The following NEK11 variants were observed in gnomAD, a reference collection of about 807,000 sequenced individuals.
The protein encoded by NEK11 is serine/threonine-protein kinase Nek11.
A neutral mutation model predicts 80.7 loss-of-function variants in NEK11; 72 were observed. The ratio of observed to expected loss-of-function variants is 0.89; its 90% CI spans 0.74 to 1.08. The LOEUF (loss-of-function observed/expected upper bound fraction) is 1.08. Ranked by LOEUF, NEK11 falls within the 50% of genes least tolerant of loss-of-function variation. The pLI, the probability that NEK11 is intolerant of heterozygous loss-of-function variation, is 0.00. For missense variants in NEK11, 764 were observed against 763.6 expected, an observed-to-expected ratio of 1.00 and a Z score of -0.01; for synonymous variants, 251 against 260.7, an observed-to-expected ratio of 0.96 and a Z score of 0.36.
chr3:131,047,188 T>C (rs2067537073), intron 3 of NEK11, among the ~76,000 whole-genome samples: 1 of 152,186 alleles, frequency 6.6e-6, no homozygotes, highest in South Asian at 2.1e-4. Flanking sequence ...ATATCTTGTA[T>C]CATTTTTTGA....
At chr3:131,275,374 C>T (rs2096275817) in intron 17 of NEK11, among the ~76,000 whole-genome samples, 1 of 152,150 alleles carries the variant, frequency 6.6e-6, no homozygotes, top group South Asian at 2.1e-4. Context: ...ACCCCATTTC[C>T]TAGCATATTA....
intron 3 of NEK11, among the ~76,000 whole-genome samples, chr3:131,056,078 G>C (rs1387574281): frequency 6.6e-6 from 1 of 152,148 alleles, no homozygotes; most frequent in African/African-American, 2.4e-5. Flanking sequence ...ATGAATGAGG[G>C]TGGGGAGAAG....
chr3:131,275,571 G>A (rs1271912578), intron 17 of NEK11, among the ~76,000 whole-genome samples: 1 of 151,980 alleles, frequency 6.6e-6, no homozygotes, highest in Non-Finnish European at 1.5e-5. Flanking sequence ...CCCATGGATG[G>A]TATTGCTCCT....
chr3:131,100,882 G>T (rs1159552761), intron 4 of NEK11, among the ~76,000 whole-genome samples: 2 of 151,874 alleles, frequency 1.3e-5, no homozygotes, highest in Admixed American at 6.6e-5. Context: ...GACTTTTTTT[G>T]GTTGGTAGGT....
chr3:131,100,623 G>A (rs2149261750), intron 4 of NEK11, among the ~76,000 whole-genome samples: 1 of 152,270 alleles, frequency 6.6e-6, no homozygotes, highest in Middle Eastern at 3.4e-3. Context: ...ACTTTTTGCT[G>A]TGCTACTGGA....
chr3:131,339,041 G>A (rs1015454438), intron 17 of NEK11, among the ~76,000 whole-genome samples: 8 of 151,986 alleles, frequency 5.3e-5, no homozygotes, highest in Non-Finnish European at 1.0e-4. Flanking sequence ...TCCCAAAGAT[G>A]AAATAAAAAC....
intron 3 of NEK11, among the ~76,000 whole-genome samples, chr3:131,073,267 A>G (rs1351066446): frequency 1.3e-5 from 2 of 152,126 alleles, no homozygotes; most frequent in East Asian, 3.8e-4. Flanking sequence ...TATTCATGCA[A>G]TATTTGTCTT....
chr3:131,214,312 G>A (rs1409002255), intron 14 of NEK11, among the ~76,000 whole-genome samples: 2 of 152,098 alleles, frequency 1.3e-5, no homozygotes, highest in African/African-American at 2.4e-5. Flanking sequence ...CATTCTACAC[G>A]TAAGACACCT....
intron 15 of NEK11, among the ~76,000 whole-genome samples, chr3:131,234,452 T>C (rs2095394081): frequency 6.6e-6 from 1 of 152,224 alleles, no homozygotes; most frequent in African/African-American, 2.4e-5. Context: ...TTTCAGATTG[T>C]CGATCATTTT....
intron 16 of NEK11, among the ~76,000 whole-genome samples, chr3:131,256,007 C>T (rs1213611568): frequency 6.6e-6 from 1 of 152,138 alleles, no homozygotes; most frequent in African/African-American, 2.4e-5. Flanking sequence ...ATTCATAAAT[C>T]ATTCTTTGCT....
At chr3:131,097,847 A>C (rs2077687344) in intron 4 of NEK11, among the ~76,000 whole-genome samples, 1 of 143,526 alleles carries the variant, frequency 7.0e-6, no homozygotes, top group Admixed American at 7.0e-5. Context: ...CCGCATCGCC[A>C]AGTCAATCCT....
intron 17 of NEK11, among the ~76,000 whole-genome samples, chr3:131,317,760 C>A (rs991375318): frequency 9.3e-5 from 4 of 42,928 alleles, no homozygotes; most frequent in African/African-American, 3.8e-4. Context: ...CTACCCCCAC[C>A]CAAGAAGAAG....
chr3:131,038,442 G>A (rs1402106000), intron 3 of NEK11, among the ~76,000 whole-genome samples: 3 of 152,176 alleles, frequency 2.0e-5, no homozygotes, highest in African/African-American at 7.2e-5. Flanking sequence ...CCGCTTTGCT[G>A]CATGTGTTAG....
intron 7 of NEK11, among the ~76,000 whole-genome samples, chr3:131,135,924 G>T (rs148360766): frequency 0.014 from 2,200 of 152,052 alleles, 24 homozygotes; most frequent in Non-Finnish European, 0.02. Flanking sequence ...AGAGAGGAAA[G>T]GAAAGCATAG....
chr3:131,080,537 T>C lies in NEK11; in HGVS notation c.285T>C (p.His95=). ...KLDHPAIVKF[H]ASFVEQDNFC... ...ACCACCCAGCCATTGTCAAGTTCCA[T>C]GCAAGTTTTGTGGAGCAAGATAATT... The change falls in exon 4 of 18, where the codon CAT becomes CAC. Residue 95 remains histidine, a synonymous_variant. Transcript: ENST00000383366. 12 of 1,613,968 alleles carry C rather than the reference T, an allele frequency of 7.4e-6. No individual in the cohort carries two copies. The highest frequency in any genetic ancestry group is 1.0e-5 in the Non-Finnish European group (12 of 1,179,968).
At chr3:131,216,681 G>A (rs1008897186) in intron 14 of NEK11, among the ~76,000 whole-genome samples, 16 of 152,132 alleles carry the variant, frequency 1.1e-4, no homozygotes, top group African/African-American at 2.9e-4. Flanking sequence ...GCAGACCTGA[G>A]TGTTAAAAGA....
At chr3:131,043,042 TAACA>T (rs2066778129) in intron 3 of NEK11, among the ~76,000 whole-genome samples, 1 of 152,024 alleles carries the variant, frequency 6.6e-6, no homozygotes, top group African/African-American at 2.4e-5. Flanking sequence ...GAAGGAAAAC[TAACA>T]AACAGAAAGC....
chr3:131,255,888 T>G (rs1309770790), intron 16 of NEK11, among the ~76,000 whole-genome samples: 3 of 152,180 alleles, frequency 2.0e-5, no homozygotes, highest in Non-Finnish European at 4.4e-5. Flanking sequence ...AATGCCCAGC[T>G]GTAACCAATA....
intron 17 of NEK11, among the ~76,000 whole-genome samples, chr3:131,274,090 C>T (rs1323134530): frequency 6.8e-6 from 1 of 147,022 alleles, no homozygotes; most frequent in African/African-American, 2.5e-5. Context: ...GTATATCTCC[C>T]AATGCTATCC....
Sources: allele counts gnomAD v4.1 joint callset (sites outside exome capture counted in the v4.1 genomes callset), GRCh38; gene constraint gnomAD v4.1.1; transcripts MANE v1.5; gene names NCBI Gene and HGNC (gene_info 2026-07-23, HGNC 2026-07-21).